GRID2: variants seen among roughly 807,000 people sequenced by gnomAD.
The protein encoded by GRID2 is glutamate ionotropic receptor delta type subunit 2.
GRID2 carries 33 observed loss-of-function variants against 114.8 expected under a neutral mutation model. That is an observed-to-expected ratio of 0.29 (90% CI 0.22 to 0.38). GRID2 has a LOEUF of 0.38. Among genes scored for constraint, GRID2 ranks in the 10% least tolerant of loss-of-function variants. GRID2 has a pLI of 1.00. For synonymous variants in GRID2, 505 were observed against 449.9 expected (o/e 1.12, Z -1.55); for missense variants, 1,184 against 1,257.7 (o/e 0.94, Z 0.89).
rs917445885 is a variant in GRID2, at chr4:93,009,219, A to AAAAC, written c.245-75773_245-75770dup. The stretch of plus-strand genomic sequence containing the variant: ...CTCTATACTTTCCCTACTGCAAGAG[A>AAAAC]AAACAATATACACATGGCCTTCTAA... On this transcript the variant is annotated intron_variant, in intron 2 of 15. Transcript: ENST00000282020. 1.4e-3 allele frequency among the ~76,000 whole-genome samples: 209 copies of AAAAC among 152,268 alleles called. 1 individual carries two copies. Among genetic ancestry groups the AAAAC allele is most frequent in the African/African-American group, 4.8e-3 (201 of 41,570 alleles).
intron 2 of GRID2, among the ~76,000 whole-genome samples, chr4:92,625,537 G>GT (rs1208558944): frequency 6.6e-6 from 1 of 151,756 alleles, no homozygotes; most frequent in Non-Finnish European, 1.5e-5. Context: ...ATACACAGTG[G>GT]TTAGGGCACA....
chr4:92,666,263 T>C (rs1423739197), intron 2 of GRID2, among the ~76,000 whole-genome samples: 1 of 151,586 alleles, frequency 6.6e-6, no homozygotes, highest in Non-Finnish European at 1.5e-5. Flanking sequence ...TTAGTTATTT[T>C]TAAAATACTC....
intron 1 of GRID2, among the ~76,000 whole-genome samples, chr4:92,451,275 T>G (rs888478208): frequency 6.6e-6 from 1 of 152,094 alleles, no homozygotes; most frequent in Admixed American, 6.6e-5. Flanking sequence ...GGGTGGAACA[T>G]GAAAGCCGGT....
Position 93,332,267 on chromosome 4 carries a change from CGTGTGTGTGTGTGTGTGT to C in GRID2, c.1246-63324_1246-63307del, listed in dbSNP as rs1234388137. 4.5e-5 allele frequency among the ~76,000 whole-genome samples: 6 copies of C among 134,016 alleles called. No homozygotes were observed. In the East Asian group the frequency reaches 1.1e-3, roughly 25 times the overall value. 87.9% of individuals were successfully genotyped at this position (134,016 alleles called of 152,430 possible). On this transcript the variant is annotated intron_variant, in intron 8 of 15. Transcript: ENST00000282020. ...CAGAAAAAGAGTGTGTGTGTGTGTGCGTGTGTGTGTGTGTGTGTGTGTGTGTGTGTGTGAGAGAGAGAG... is the reference window on the plus strand; with the variant it reads ...CAGAAAAAGAGTGTGTGTGTGTGTGCGTGTGTGTGTGTGTGAGAGAGAGAG...
intron 1 of GRID2, among the ~76,000 whole-genome samples, chr4:92,441,114 GGT>G: frequency 6.6e-6 from 1 of 152,212 alleles, no homozygotes; most frequent in South Asian, 2.1e-4. Context: ...AAGGCTACAG[GGT>G]GCGGTCCTGG....
Position 93,338,011 on chromosome 4 carries a change from A to G in GRID2, c.1246-57596A>G, listed in dbSNP as rs559453567. On this transcript the variant is annotated intron_variant, in intron 8 of 15. Coordinates refer to ENST00000282020, the MANE Select transcript of GRID2 (RefSeq NM_001510.4). ...GTTTTCTGATTTGTTATCTCTAACA[A>G]TGTGCTGGTAAATTAACAGCTGGCT... Among the ~76,000 whole-genome samples the G allele has an allele frequency of 2.6e-5, 4 of 152,306 alleles. No homozygotes were observed. The East Asian group carries it at 7.7e-4, about 29-fold the overall frequency.
In GRID2 at chr4:93,773,401, C is replaced by T. The variant is rs939309317; in HGVS notation, c.*903C>T. On this transcript the variant is annotated 3_prime_UTR_variant, in exon 16 of 16. Transcript: ENST00000282020. ...AGGTTGCTTTAATGTTATTCTGACT[C>T]GCATTGTTTGCCAACAGAAAATATT... is the stretch of plus-strand genomic sequence containing the variant. 6 of 152,044 alleles carry T rather than the reference C, an allele frequency of 3.9e-5. No individual in the cohort carries two copies. Among genetic ancestry groups the T allele is most frequent in the African/African-American group, 7.2e-5 (3 of 41,420 alleles). The allele number at this position is 152,044 out of a possible 1,614,324, so 9.4% of individuals were successfully genotyped here. A position where few individuals can be genotyped will look rare whatever the true frequency, so the allele number is the denominator to read the frequency against.
At chr4:92,992,711 C>T (rs1754980527) in intron 2 of GRID2, among the ~76,000 whole-genome samples, 1 of 152,070 alleles carries the variant, frequency 6.6e-6, no homozygotes, top group African/African-American at 2.4e-5. Flanking sequence ...TTTTTGTAGT[C>T]CAGTGAGCAA....
At chr4:93,307,396 AT>A (rs61007934) in intron 8 of GRID2, among the ~76,000 whole-genome samples, 8,402 of 149,324 alleles carry the variant, frequency 0.056, 766 homozygotes, top group African/African-American at 0.19. Context: ...TTTTCTCGTC[AT>A]TTTTTTTTTC....
chr4:93,709,675 T>G (rs540104882), intron 14 of GRID2, among the ~76,000 whole-genome samples: 224 of 152,320 alleles, frequency 1.5e-3, no homozygotes, highest in Non-Finnish European at 2.2e-3. Context: ...CTTTCTACCC[T>G]AGTCTTACTC....
At chr4:93,390,634 G>A (rs917797891) in intron 8 of GRID2, among the ~76,000 whole-genome samples, 5 of 152,002 alleles carry the variant, frequency 3.3e-5, no homozygotes, top group African/African-American at 1.2e-4. Context: ...GCCTCTAAAT[G>A]TAGTGTAATG....
At chr4:92,704,014 G>C (rs961182784) in intron 2 of GRID2, among the ~76,000 whole-genome samples, 3 of 152,132 alleles carry the variant, frequency 2.0e-5, no homozygotes, top group Admixed American at 2.0e-4. Context: ...AGTTGCTCAC[G>C]CCTGTGAATC....
At chr4:92,954,528 G>A (rs1227319350) in intron 2 of GRID2, among the ~76,000 whole-genome samples, 4 of 151,832 alleles carry the variant, frequency 2.6e-5, no homozygotes, top group Non-Finnish European at 4.4e-5. Context: ...CCAGGTTCGC[G>A]CCATTCTCCT....
At chr4:93,518,760 A>G (rs1319622689) in intron 13 of GRID2, among the ~76,000 whole-genome samples, 1 of 152,092 alleles carries the variant, frequency 6.6e-6, no homozygotes, top group Admixed American at 6.6e-5. Context: ...AACTTTAAGC[A>G]GGTTGGAGAG....
At chr4:92,319,942 TA>T (rs1386352550) in intron 1 of GRID2, among the ~76,000 whole-genome samples, 1 of 152,194 alleles carries the variant, frequency 6.6e-6, no homozygotes, top group Non-Finnish European at 1.5e-5. Context: ...AAATATGCTG[TA>T]AATATAAGAG....
At chr4:92,615,189 G>C (rs1199699252) in intron 2 of GRID2, among the ~76,000 whole-genome samples, 1 of 151,448 alleles carries the variant, frequency 6.6e-6, no homozygotes, top group Non-Finnish European at 1.5e-5. Context: ...TCCTAACATG[G>C]TCTTTCTTTG....
At chr4:93,157,940 A>G (rs1236675398) in intron 4 of GRID2, among the ~76,000 whole-genome samples, 2 of 151,858 alleles carry the variant, frequency 1.3e-5, no homozygotes, top group African/African-American at 2.4e-5. Context: ...ACATAAAATT[A>G]TTAAAATTTT....
At chr4:93,428,031 T>G (rs1769021924) in intron 10 of GRID2, among the ~76,000 whole-genome samples, 1 of 151,944 alleles carries the variant, frequency 6.6e-6, no homozygotes, top group South Asian at 2.1e-4. Flanking sequence ...AGGATAGAAG[T>G]ACCAAAAAAA....
intron 10 of GRID2, among the ~76,000 whole-genome samples, chr4:93,430,985 G>A (rs1233788704): frequency 1.3e-5 from 2 of 152,140 alleles, no homozygotes; most frequent in African/African-American, 4.8e-5. Flanking sequence ...CAAGCAAAAA[G>A]TGATGAGAAT....
Sources: allele counts gnomAD v4.1 joint callset (sites outside exome capture counted in the v4.1 genomes callset), GRCh38; gene constraint gnomAD v4.1.1; transcripts MANE v1.5; gene names NCBI Gene and HGNC (gene_info 2026-07-23, HGNC 2026-07-21).